Variants in UBE2L5 observed in about 807,000 individuals in gnomAD.
The protein encoded by UBE2L5 is ubiquitin conjugating enzyme E2 L5.
Under a neutral mutation model 10.0 loss-of-function variants are expected in UBE2L5, and 3 were observed. The ratio of observed to expected loss-of-function variants is 0.30; its 90% CI spans 0.14 to 0.78. UBE2L5 has a LOEUF of 0.78. Among genes scored for constraint, UBE2L5 ranks in the 30% least tolerant of loss-of-function variants. The probability of loss-of-function intolerance (pLI) is 0.65; values close to 1 mark genes in which losing one functional copy is unlikely to be tolerated. For synonymous variants in UBE2L5, 60 were observed against 71.9 expected (o/e 0.83, Z 0.83); for missense variants, 131 against 193.3 (o/e 0.68, Z 1.91).
intron 2 of UBE2L5, among the ~76,000 whole-genome samples, 169 bp downstream of exon 2, chr13:30,425,070 C>G (rs898486175): frequency 1.3e-5 from 2 of 152,172 alleles, no homozygotes. Flanking sequence ...TGGATACCTG[C>G]GTTACATTCC....
chr13:30,429,025 C>G lies in UBE2L5; in HGVS notation c.*570C>G, dbSNP rs563905422. On this transcript the variant is annotated 3_prime_UTR_variant, in exon 4 of 4. Transcript: ENST00000635918. ...GTGGCTCACACCTGTAATGCTATCA[C>G]TTTGGGAAGCTGAGGTGGGTGGATC... is the stretch of plus-strand genomic sequence containing the variant. Among the ~76,000 whole-genome samples the G allele has an allele frequency of 3.9e-5, 6 of 152,176 alleles. No individual in the cohort carries two copies. The highest frequency in any genetic ancestry group is 1.4e-4 in the African/African-American group (6 of 41,504).
At position 30,427,795 on chromosome 13, in the gene UBE2L5, C is replaced by A. The variant is rs1283573459; in HGVS notation, c.-196C>A. 3.4e-6 allele frequency: 2 copies of A among 581,302 alleles called. No individual in the cohort carries two copies. Among genetic ancestry groups the A allele is most frequent in the Non-Finnish European group, 6.1e-6 (2 of 329,280 alleles). 36.0% of individuals were successfully genotyped at this position (581,302 alleles called of 1,614,324 possible). On this transcript the variant is annotated 5_prime_UTR_variant, in exon 4 of 4. Transcript: ENST00000635918. ...CTCCAGCCTGGGCAACAGAGAGAGA[C>A]TCTGGCTAAAAAAAAAAAAAATTAT... is the stretch of plus-strand genomic sequence containing the variant.
Position 30,428,315 on chromosome 13 carries a change from A to G in UBE2L5, c.325A>G (p.Ile109Val), listed in dbSNP as rs1566170388. The change falls in exon 4 of 4, where the codon ATA becomes GTA. Residue 109 changes from isoleucine (I) to valine (V), a missense_variant. Physicochemically the swap from Ile to Val is conservative, Grantham distance 29. Coordinates refer to ENST00000635918, the MANE Select transcript of UBE2L5 (RefSeq NM_001355247.2). ...AACCGACCAAGTAATCCAGTCCCTCATAGCACTGGTGAATGACCCGCAGCC... is the reference window on the plus strand; with the variant it reads ...AACCGACCAAGTAATCCAGTCCCTCGTAGCACTGGTGAATGACCCGCAGCC... ...TKTDQVIQSL[I>V]ALVNDPQPEH... 1.9e-6 allele frequency: 3 copies of G among 1,609,204 alleles called. No homozygotes were observed. Among genetic ancestry groups the G allele is most frequent in the African/African-American group, 1.3e-5 (1 of 74,616 alleles).
In UBE2L5 at chr13:30,429,464, G is replaced by A. The variant is rs981592130; in HGVS notation, c.*1009G>A. On this transcript the variant is annotated 3_prime_UTR_variant, in exon 4 of 4. Transcript: ENST00000635918. ...GAGTAGCTTTGCCACCTCTCATTTT[G>A]GCTGGGCTGCTCTGAGGTGCTGCAT... 2.0e-5 allele frequency among the ~76,000 whole-genome samples: 3 copies of A among 152,072 alleles called. No individual in the cohort carries two copies. The highest frequency in any genetic ancestry group is 7.2e-5 in the African/African-American group (3 of 41,382).
Position 30,428,212 on chromosome 13 carries a change from C to G in UBE2L5, c.222C>G (p.Ile74Met). Residue 74 changes from isoleucine to methionine, a missense_variant, in exon 4 of 4, where the codon ATC becomes ATG. Ile to Met is a conservative substitution (Grantham distance 10, BLOSUM62 1). Coordinates refer to ENST00000635918, the MANE Select transcript of UBE2L5 (RefSeq NM_001355247.2). ...KPPRITFKTK[I>M]YHPNIDEKGQ... The stretch of plus-strand genomic sequence containing the variant: ...CGAGGATCACATTTAAAACAAAGAT[C>G]TATCACCCGAACATCGACGAAAAGG... The G allele has an allele frequency of 6.2e-7, 1 of 1,608,822 alleles. No individual in the cohort carries two copies. Among genetic ancestry groups the G allele is most frequent in the South Asian group, 1.1e-5 (1 of 90,948 alleles).
chr13:30,426,658 T>A (rs1415108921), intron 2 of UBE2L5, 67 bp from the exon 3 acceptor site: 2 of 152,232 alleles, frequency 1.3e-5, no homozygotes, highest in African/African-American at 4.8e-5. Flanking sequence ...GATTTTATTA[T>A]CTATAGCTAG....
chr13:30,428,528 G>A lies in UBE2L5; in HGVS notation c.*73G>A, dbSNP rs1167010725. The stretch of plus-strand genomic sequence containing the variant: ...GTACATTCAGACACCCCGCAAAGCA[G>A]GACTCTGTGGAAATTGATACGTGCC... On this transcript the variant is annotated 3_prime_UTR_variant, in exon 4 of 4. Transcript: ENST00000635918. 2.6e-6 allele frequency: 4 copies of A among 1,528,918 alleles called. No homozygotes were observed. Among genetic ancestry groups the A allele is most frequent in the Non-Finnish European group, 3.5e-6 (4 of 1,136,722 alleles). 94.7% of individuals were successfully genotyped at this position (1,528,918 alleles called of 1,614,324 possible). A position where few individuals can be genotyped will look rare whatever the true frequency, so the allele number is the denominator to read the frequency against.
At chr13:30,426,341 G>C (rs1283975081) in intron 2 of UBE2L5, among the ~76,000 whole-genome samples, 1 of 152,048 alleles carries the variant, frequency 6.6e-6, no homozygotes, top group African/African-American at 2.4e-5. Context: ...AAGTATGGAT[G>C]CGAGTCGGGG....
Position 30,429,036 on chromosome 13 carries a change from T to C in UBE2L5, c.*581T>C, listed in dbSNP as rs776162397. ...CTGTAATGCTATCACTTTGGGAAGCTGAGGTGGGTGGATCACCTGAGGTCA... is the reference window on the plus strand; with the variant it reads ...CTGTAATGCTATCACTTTGGGAAGCCGAGGTGGGTGGATCACCTGAGGTCA... On this transcript the variant is annotated 3_prime_UTR_variant, in exon 4 of 4. Transcript: ENST00000635918. Among the ~76,000 whole-genome samples the C allele has an allele frequency of 1.3e-5, 2 of 152,044 alleles. No individual in the cohort carries two copies. The highest frequency in any genetic ancestry group is 2.9e-5 in the Non-Finnish European group (2 of 67,986).
Position 30,428,152 on chromosome 13 carries a change from A to C in UBE2L5, c.162A>C (p.Glu54Asp). ...ATAATAAGGGGGCCTTCAGAATCGA[A>C]ATCAACTTTCCAGCAGAGTACCCAT... ...PPYNKGAFRI[E>D]INFPAEYPFK... is the part of the protein sequence containing the mutation. The change falls in exon 4 of 4, where the codon GAA (glutamate) becomes GAC (aspartate). Residue 54 changes from glutamate to aspartate, a missense_variant. Coordinates refer to ENST00000635918, the MANE Select transcript of UBE2L5 (RefSeq NM_001355247.2). The C allele has an allele frequency of 6.2e-7, 1 of 1,607,530 alleles. No individual in the cohort carries two copies. The highest frequency in any genetic ancestry group is 8.5e-7 in the Non-Finnish European group (1 of 1,173,974).
intron 2 of UBE2L5, among the ~76,000 whole-genome samples, chr13:30,425,904 C>G (rs1385593066): frequency 6.6e-6 from 1 of 152,014 alleles, no homozygotes; most frequent in Non-Finnish European, 1.5e-5. Flanking sequence ...ATCCCAGCTA[C>G]TCGGGAGGCC....
At position 30,427,684 on chromosome 13, in the gene UBE2L5, A is replaced by G; in HGVS notation, c.-307A>G. 2 of 385,072 alleles carry G rather than the reference A, an allele frequency of 5.2e-6. No homozygotes were observed. Among genetic ancestry groups the G allele is most frequent in the Non-Finnish European group, 9.2e-6 (2 of 216,828 alleles). The allele number at this position is 385,072 out of a possible 1,614,324, so 23.9% of individuals were successfully genotyped here. ...CTGTGCATGGTGGCACGTGCCTGTA[A>G]TCACAGCCACTTGGGAGGCCGAGGC... On this transcript the variant is annotated 5_prime_UTR_variant, in exon 4 of 4. Transcript: ENST00000635918.
At position 30,428,699 on chromosome 13, in the gene UBE2L5, A is replaced by G. The variant is rs1353719789; in HGVS notation, c.*244A>G. ...TGGCCATTAATAGACGGAACTATAC[A>G]CTGGACTAGTTGTTGTTTTAAAAAC... is the stretch of plus-strand genomic sequence containing the variant. On this transcript the variant is annotated 3_prime_UTR_variant, in exon 4 of 4. Transcript: ENST00000635918. 4.3e-6 allele frequency: 2 copies of G among 460,088 alleles called. No homozygotes were observed. Among genetic ancestry groups the G allele is most frequent in the Non-Finnish European group, 7.5e-6 (2 of 267,006 alleles). 28.5% of individuals were successfully genotyped at this position (460,088 alleles called of 1,614,324 possible). A position where few individuals can be genotyped will look rare whatever the true frequency, so the allele number is the denominator to read the frequency against.
intron 2 of UBE2L5, among the ~76,000 whole-genome samples, chr13:30,425,446 G>A (rs1885523458): frequency 6.6e-6 from 1 of 152,164 alleles, no homozygotes; most frequent in Non-Finnish European, 1.5e-5. Flanking sequence ...ATTGGGAATG[G>A]AATACAAAGC....
Position 30,428,611 on chromosome 13 carries a change from G to T in UBE2L5, c.*156G>T. ...CTTTCTACAGTTTTCTTAATTAAAA[G>T]TGGTCTAGGTAACCTGTAAAGAAAG... On this transcript the variant is annotated 3_prime_UTR_variant, in exon 4 of 4. Coordinates refer to ENST00000635918, the MANE Select transcript of UBE2L5 (RefSeq NM_001355247.2). 1.3e-6 allele frequency: 1 copy of T among 786,226 alleles called. No homozygotes were observed. The highest frequency in any genetic ancestry group is 2.0e-6 in the Non-Finnish European group (1 of 512,246). The allele number at this position is 786,226 out of a possible 1,614,324, so 48.7% of individuals were successfully genotyped here.
At chr13:30,424,041 G>C (rs1885504799) in intron 1 of UBE2L5, among the ~76,000 whole-genome samples, 1 of 152,170 alleles carries the variant, frequency 6.6e-6, no homozygotes, top group Admixed American at 6.5e-5. Context: ...ATTAGTTATG[G>C]ATATTTTGAA....
In UBE2L5 at chr13:30,428,745, C is replaced by T; in HGVS notation, c.*290C>T. The T allele has an allele frequency of 3.2e-6, 1 of 316,320 alleles. No homozygotes were observed. 19.6% of individuals were successfully genotyped at this position (316,320 alleles called of 1,614,324 possible). A position where few individuals can be genotyped will look rare whatever the true frequency, so the allele number is the denominator to read the frequency against. ...AAAACATAAAATCTGGCTACCCTAACGGGATAAGAGTTCAGACATCAGGAT... is the reference window on the plus strand; with the variant it reads ...AAAACATAAAATCTGGCTACCCTAATGGGATAAGAGTTCAGACATCAGGAT... On this transcript the variant is annotated 3_prime_UTR_variant, in exon 4 of 4. Coordinates refer to ENST00000635918, the MANE Select transcript of UBE2L5 (RefSeq NM_001355247.2).
Position 30,428,878 on chromosome 13 carries a change from G to A in UBE2L5, c.*423G>A, listed in dbSNP as rs1405748909. Among the ~76,000 whole-genome samples, 1 of 133,046 alleles carries A rather than the reference G, an allele frequency of 7.5e-6. No homozygotes were observed. Among genetic ancestry groups the A allele is most frequent in the Non-Finnish European group, 1.6e-5 (1 of 64,006 alleles). 87.3% of individuals were successfully genotyped at this position (133,046 alleles called of 152,430 possible). ...TTTTTTTTTTTTTTTGGTGGATGTAGATAGGAGATGGGATGAGAGTGGCCA... is the reference window on the plus strand; with the variant it reads ...TTTTTTTTTTTTTTTGGTGGATGTAAATAGGAGATGGGATGAGAGTGGCCA... On this transcript the variant is annotated 3_prime_UTR_variant, in exon 4 of 4. Transcript: ENST00000635918.
intron 1 of UBE2L5, among the ~76,000 whole-genome samples, chr13:30,424,340 C>T (rs1022805270): frequency 1.3e-5 from 2 of 152,224 alleles, no homozygotes; most frequent in Admixed American, 1.3e-4. Flanking sequence ...GACTTTGACA[C>T]TCTAGGATCT....
Sources: gnomAD v4.1 joint callset for allele counts (sites outside exome capture counted in the v4.1 genomes callset) on GRCh38, gnomAD v4.1.1 for gene constraint, MANE v1.5 for transcripts, NCBI Gene and HGNC (gene_info 2026-07-23, HGNC 2026-07-21) for gene names.